The following MSH3 variants were observed in gnomAD, a reference collection of about 807,000 sequenced individuals.
The protein encoded by MSH3 is mutS homolog 3.
A neutral mutation model predicts 123.3 loss-of-function variants in MSH3; 106 were observed. The observed-to-expected ratio is 0.86, with a 90% CI of 0.73 to 1.01. The LOEUF is 1.01. Ranked by LOEUF, MSH3 falls within the 50% of genes least tolerant of loss-of-function variation. The probability of loss-of-function intolerance (pLI) is 0.00; values close to 1 mark genes in which losing one functional copy is unlikely to be tolerated. For missense variants in MSH3, 1,459 were observed against 1,347.6 expected (o/e 1.08, Z -1.29); for synonymous variants, 515 against 481.4 (o/e 1.07, Z -0.91).
chr5:80,686,427 C>A (rs142461157), intron 8 of MSH3, among the ~76,000 whole-genome samples: 1 of 151,170 alleles, frequency 6.6e-6, no homozygotes, highest in East Asian at 1.9e-4. Flanking sequence ...CTCAGCCTCC[C>A]GAGTAGCTGG....
In MSH3 at chr5:80,725,010, C is replaced by T. The variant is rs1002483273; in HGVS notation, c.1341-443C>T. On this transcript the variant is annotated intron_variant, in intron 8 of 23. Transcript: ENST00000265081. Reference sequence around the variant, plus strand: ...TGGGCGGATCACAATGTCAGGAGATCGAGACCATCCTGGCTAACACGGTGA... The same window carrying T: ...TGGGCGGATCACAATGTCAGGAGATTGAGACCATCCTGGCTAACACGGTGA... 2.6e-5 allele frequency among the ~76,000 whole-genome samples: 4 copies of T among 151,802 alleles called. 1 individual carries two copies. The highest frequency in any genetic ancestry group is 3.9e-4 in the East Asian group (2 of 5,162).
chr5:80,789,393 CAG>C (rs2112022558), intron 18 of MSH3, among the ~76,000 whole-genome samples: 1 of 144,150 alleles, frequency 6.9e-6, no homozygotes, highest in South Asian at 2.2e-4. Context: ...TTTCCTGAGA[CAG>C]AGTCTCACTC....
intron 19 of MSH3, among the ~76,000 whole-genome samples, chr5:80,800,731 T>C (rs1744776766): frequency 6.6e-6 from 1 of 152,208 alleles, no homozygotes; most frequent in African/African-American, 2.4e-5. Context: ...TTTGATCTAT[T>C]TATTGGGTGC....
intron 21 of MSH3, among the ~76,000 whole-genome samples, chr5:80,858,401 A>G (rs1042448944): frequency 9.9e-5 from 15 of 152,114 alleles, no homozygotes; most frequent in Non-Finnish European, 2.1e-4. Flanking sequence ...AATTTTGATA[A>G]GGTGTGCTTC....
chr5:80,728,052 GA>G (rs1424017147), intron 9 of MSH3, among the ~76,000 whole-genome samples: 6 of 152,158 alleles, frequency 3.9e-5, no homozygotes, highest in African/African-American at 1.4e-4. Flanking sequence ...CAGAGTAACT[GA>G]TGGGGAGAAC....
chr5:80,684,774 C>G (rs1459179954), intron 8 of MSH3, among the ~76,000 whole-genome samples: 1 of 152,104 alleles, frequency 6.6e-6, no homozygotes, highest in Non-Finnish European at 1.5e-5. Context: ...TTTCTCAATT[C>G]AGTATGATAA....
At chr5:80,760,282 T>C (rs1744009837) in intron 12 of MSH3, among the ~76,000 whole-genome samples, 2 of 152,226 alleles carry the variant, frequency 1.3e-5, no homozygotes, top group African/African-American at 4.8e-5. Flanking sequence ...TGTTTACTTA[T>C]CTTAGTTTTT....
chr5:80,850,578 C>T (rs1005844590), intron 20 of MSH3, among the ~76,000 whole-genome samples: 1 of 152,092 alleles, frequency 6.6e-6, no homozygotes, highest in Non-Finnish European at 1.5e-5. Context: ...CTGGGAAACT[C>T]CCGTTTTTAA....
chr5:80,834,636 T>C lies in MSH3; in HGVS notation c.2814-19494T>C, dbSNP rs1005304976. 2.5e-3 allele frequency among the ~76,000 whole-genome samples: 184 copies of C among 72,982 alleles called. 1 individual carries two copies. The highest frequency in any genetic ancestry group is 7.8e-3 in the African/African-American group (178 of 22,792). The allele number at this position is 72,982 out of a possible 152,430, so 47.9% of individuals were successfully genotyped here. A position where few individuals can be genotyped will look rare whatever the true frequency, so the allele number is the denominator to read the frequency against. On this transcript the variant is annotated intron_variant, in intron 20 of 23. Transcript: ENST00000265081. Reference sequence around the variant, plus strand: ...ATATATTTTTAGTTTAAATACTTAATAAAAATAAATACTTAAAATATATAT... The same window carrying C: ...ATATATTTTTAGTTTAAATACTTAACAAAAATAAATACTTAAAATATATAT...
intron 19 of MSH3, among the ~76,000 whole-genome samples, chr5:80,800,461 ATT>A (rs1744772357): frequency 6.6e-6 from 1 of 152,132 alleles, no homozygotes; most frequent in African/African-American, 2.4e-5. Context: ...CTGCCGATAG[ATT>A]TTATGTGTCT....
intron 2 of MSH3, among the ~76,000 whole-genome samples, chr5:80,662,110 T>C (rs749028293): frequency 6.6e-6 from 1 of 152,240 alleles, no homozygotes; most frequent in African/African-American, 2.4e-5. Context: ...ATAGGTATTT[T>C]TGCTGTACCA....
In MSH3 at chr5:80,654,925, C is replaced by CG. The variant is rs1561429192; in HGVS notation, c.198_199insG (p.Pro67AlafsTer18). The CG allele has an allele frequency of 1.2e-6, 1 of 818,592 alleles. No homozygotes were observed. Among genetic ancestry groups the CG allele is most frequent in the Non-Finnish European group, 1.7e-6 (1 of 603,014 alleles). 50.7% of individuals were successfully genotyped at this position (818,592 alleles called of 1,614,324 possible). ...CAGCGGCCGCAGCGCCCCCAGCGCCCCCAGCTCCCGCCTTCCCGCCCCAGC... is the reference window on the plus strand; with the variant it reads ...CAGCGGCCGCAGCGCCCCCAGCGCCCGCCAGCTCCCGCCTTCCCGCCCCAGC... On this transcript the variant is annotated frameshift_variant, in exon 1 of 24. Transcript: ENST00000265081. LOFTEE classifies it high-confidence loss of function.
At position 80,849,245 on chromosome 5, in the gene MSH3, C is replaced by T. The variant is rs544988801; in HGVS notation, c.2814-4885C>T. Among the ~76,000 whole-genome samples the T allele has an allele frequency of 1.4e-3, 217 of 152,300 alleles. 1 individual carries two copies. The highest frequency in any genetic ancestry group is 5.1e-3 in the African/African-American group (212 of 41,572). On this transcript the variant is annotated intron_variant, in intron 20 of 23. Coordinates refer to ENST00000265081, the MANE Select transcript of MSH3 (RefSeq NM_002439.5). The stretch of plus-strand genomic sequence containing the variant: ...GCTTTGCAGGGTACAGCCTCCCTCC[C>T]AGCTTCTTTCACAGGCTGACATTGA...
Position 80,876,577 on chromosome 5 carries a change from C to G in MSH3, c.*715C>G, listed in dbSNP as rs776205419. 6.6e-6 allele frequency: 1 copy of G among 151,048 alleles called. No individual in the cohort carries two copies. Among genetic ancestry groups the G allele is most frequent in the African/African-American group, 2.4e-5 (1 of 40,850 alleles). The allele number at this position is 151,048 out of a possible 1,614,324, so 9.4% of individuals were successfully genotyped here. A position where few individuals can be genotyped will look rare whatever the true frequency, so the allele number is the denominator to read the frequency against. ...CTGGGAGGCGGAGGTTGCAATGAGC[C>G]GAGATCACGTCACTGCACTCCAGCT... On this transcript the variant is annotated 3_prime_UTR_variant, in exon 24 of 24. Transcript: ENST00000265081.
chr5:80,869,803 TACATATATAC>T (rs1746173971), intron 22 of MSH3, among the ~76,000 whole-genome samples: 1 of 101,674 alleles, frequency 9.8e-6, no homozygotes. Context: ...TACATATATA[TACATATATAC>T]ATATATATAT....
intron 20 of MSH3, among the ~76,000 whole-genome samples, chr5:80,844,902 T>C (rs1745693749): frequency 6.6e-6 from 1 of 152,214 alleles, no homozygotes; most frequent in East Asian, 1.9e-4. Flanking sequence ...CCATTTACAT[T>C]TAAGGTTAAT....
At chr5:80,792,014 TA>T (rs1244884707) in intron 18 of MSH3, among the ~76,000 whole-genome samples, 8 of 152,242 alleles carry the variant, frequency 5.3e-5, no homozygotes, top group Middle Eastern at 3.4e-3. Flanking sequence ...TGTATCAAAG[TA>T]AAAGATACAA....
At chr5:80,655,554 C>G (rs529751752) in intron 1 of MSH3, 1 of 191,144 alleles carries the variant, frequency 5.2e-6, no homozygotes, top group African/African-American at 2.3e-5. Flanking sequence ...TGGAGTCCTT[C>G]CTGTTGCCAT....
At chr5:80,758,145 C>A (rs1743960764) in intron 12 of MSH3, among the ~76,000 whole-genome samples, 1 of 152,172 alleles carries the variant, frequency 6.6e-6, no homozygotes, top group Non-Finnish European at 1.5e-5. Context: ...CTCAAGATCC[C>A]AGGACTAGCT....
Sources: gnomAD v4.1 joint callset for allele counts (sites outside exome capture counted in the v4.1 genomes callset) on GRCh38, gnomAD v4.1.1 for gene constraint, MANE v1.5 for transcripts, NCBI Gene and HGNC (gene_info 2026-07-23, HGNC 2026-07-21) for gene names.